Variants in TDO2 observed in about 807,000 individuals in gnomAD.
The protein encoded by TDO2 is tryptamin 2,3-dioxygenase.
TDO2 carries 63 observed loss-of-function variants against 61.2 expected under a neutral mutation model. The observed-to-expected ratio is 1.03, with a 90% CI of 0.84 to 1.27. TDO2 has a LOEUF of 1.27. Among genes scored for constraint, TDO2 ranks in the 50% most tolerant of loss-of-function variants. The pLI, the probability that TDO2 is intolerant of heterozygous loss-of-function variation, is 0.00. For synonymous variants in TDO2, 183 were observed against 164.0 expected (o/e 1.12, Z -0.89); for missense variants, 494 against 469.5 (o/e 1.05, Z -0.48).
At chr4:155,913,228 C>G (rs1742869476) in intron 7 of TDO2, among the ~76,000 whole-genome samples, 1 of 152,086 alleles carries the variant, frequency 6.6e-6, no homozygotes, top group Non-Finnish European at 1.5e-5. Flanking sequence ...TTGTGTAAAG[C>G]CTTTTGATGT....
At chr4:155,904,794 A>G (rs1046521896) in intron 2 of TDO2, among the ~76,000 whole-genome samples, 8 of 152,156 alleles carry the variant, frequency 5.3e-5, no homozygotes, top group Non-Finnish European at 8.8e-5. Context: ...CATCATATTC[A>G]TTTCATGAAA....
At chr4:155,906,361 A>G (rs1476515068) in intron 3 of TDO2, 2 of 152,138 alleles carry the variant, frequency 1.3e-5, no homozygotes. Context: ...CTGATCAATA[A>G]ATGTTTGATT....
intron 9 of TDO2, among the ~76,000 whole-genome samples, 176 bp from the exon 10 acceptor site, chr4:155,917,219 A>G (rs1258819105): frequency 1.3e-5 from 2 of 152,192 alleles, no homozygotes; most frequent in Non-Finnish European, 2.9e-5. Context: ...GAGTAGTATT[A>G]TTTCATCTTT....
intron 3 of TDO2, chr4:155,906,589 C>A (rs1195266748): frequency 6.6e-6 from 1 of 151,860 alleles, no homozygotes; most frequent in East Asian, 1.9e-4. Flanking sequence ...AAATAATCAC[C>A]CAATATTTAC....
At chr4:155,911,435 G>C in intron 6 of TDO2, 62 bp from the exon 7 acceptor site, 1 of 1,111,290 alleles carries the variant, frequency 9.0e-7, no homozygotes, top group Non-Finnish European at 1.3e-6. Flanking sequence ...TATACATGTC[G>C]GTTACAATGC....
chr4:155,915,922 A>G lies in TDO2; in HGVS notation c.896+10A>G, dbSNP rs755258048. On this transcript the variant is annotated intron_variant, in intron 9 of 11. Coordinates refer to ENST00000536354, the MANE Select transcript of TDO2 (RefSeq NM_005651.4). ...TGATATATTTTTACAGGTAAAGCAA[A>G]TCCGAAGAGAGACTGAAGTTAAAAT... 1.4e-5 allele frequency: 23 copies of G among 1,602,354 alleles called. No homozygotes were observed. Among genetic ancestry groups the G allele is most frequent in the South Asian group, 2.3e-5 (2 of 88,738 alleles).
intron 11 of TDO2, 33 bp downstream of exon 11, chr4:155,918,272 G>T: frequency 6.2e-7 from 1 of 1,600,736 alleles, no homozygotes; most frequent in Middle Eastern, 1.7e-4. Context: ...CTTCCTGGTG[G>T]CAGTCACCAA....
rs751669460 is a variant in TDO2 at position 155,904,025 on chromosome 4, T to C, written c.43T>C (p.Phe15Leu). The C allele has an allele frequency of 6.2e-7, 1 of 1,613,864 alleles. No homozygotes were observed. Among genetic ancestry groups the C allele is most frequent in the East Asian group, 2.2e-5 (1 of 44,862 alleles). ...GATTTATTAAATTTGCAGATATACT[T>C]TTAAAAAACTCCCCGTAGAAGGCAG... ...PFLGNNFGYTFKKLPVEGSEE... is the reference protein window; with the variant it reads ...PFLGNNFGYTLKKLPVEGSEE... Residue 15 changes from phenylalanine (F) to leucine (L), a missense_variant, in exon 2 of 12, where the codon TTT becomes CTT. Physicochemically the swap from Phe to Leu is conservative, Grantham distance 22 (BLOSUM62 0). Transcript: ENST00000536354.
chr4:155,905,426 C>T (rs1185825829), intron 3 of TDO2: 1 of 326,546 alleles, frequency 3.1e-6, no homozygotes, highest in Non-Finnish European at 5.5e-6. Context: ...CTTGGAATTT[C>T]ACTAGGAATT....
Position 155,905,065 on chromosome 4 carries a change from A to C in TDO2, c.142-2A>C. The C allele has an allele frequency of 1.3e-6, 2 of 1,576,782 alleles. No homozygotes were observed. Among genetic ancestry groups the C allele is most frequent in the Non-Finnish European group, 8.6e-7 (1 of 1,165,708 alleles). ...GACAGGCTTTTTATTTTTCATTTCAAGTTGGAAAAAGTTTTGAATGCACAA... is the reference window on the plus strand; with the variant it reads ...GACAGGCTTTTTATTTTTCATTTCACGTTGGAAAAAGTTTTGAATGCACAA... On this transcript the variant is annotated splice_acceptor_variant, in intron 2 of 11. Transcript: ENST00000536354. LOFTEE classifies it high-confidence loss of function.
chr4:155,904,936 A>G, intron 2 of TDO2, 131 bp from the exon 3 acceptor site: 2 of 602,522 alleles, frequency 3.3e-6, no homozygotes, highest in Non-Finnish European at 2.9e-6. Context: ...ATTGTTTAAA[A>G]GAAACTAGAT....
At chr4:155,904,169 C>A in intron 2 of TDO2, 46 bp downstream of exon 2, 1 of 1,348,832 alleles carries the variant, frequency 7.4e-7, no homozygotes, top group Non-Finnish European at 1.0e-6. Context: ...TTGTTAGGCA[C>A]TCAATTCTGC....
At chr4:155,915,347 C>G (rs778278596) in intron 8 of TDO2, among the ~76,000 whole-genome samples, 17 of 152,160 alleles carry the variant, frequency 1.1e-4, no homozygotes, top group Non-Finnish European at 2.2e-4. Flanking sequence ...AAAAACAAAT[C>G]TCAGTAAAGA....
intron 6 of TDO2, among the ~76,000 whole-genome samples, chr4:155,910,920 A>G (rs1325919514): frequency 3.9e-5 from 6 of 152,114 alleles, no homozygotes; most frequent in African/African-American, 1.4e-4. Context: ...TAATTTCAGA[A>G]TTATAATAAG....
At chr4:155,915,293 T>C (rs986639428) in intron 8 of TDO2, among the ~76,000 whole-genome samples, 2 of 152,196 alleles carry the variant, frequency 1.3e-5, no homozygotes, top group East Asian at 3.8e-4. Context: ...GAAATTGGTA[T>C]TAAGTTTTAT....
intron 7 of TDO2, 129 bp downstream of exon 7, chr4:155,911,733 T>G: frequency 3.4e-6 from 2 of 585,412 alleles, no homozygotes; most frequent in Non-Finnish European, 5.6e-6. Context: ...TGTATTTTCT[T>G]GGACTATGTG....
At chr4:155,913,122 C>T (rs1359609289) in intron 7 of TDO2, among the ~76,000 whole-genome samples, 1 of 152,112 alleles carries the variant, frequency 6.6e-6, no homozygotes, top group African/African-American at 2.4e-5. Flanking sequence ...CTGAACTGTG[C>T]TCCCCCACCT....
rs1164851941 is a variant in TDO2 at position 155,919,902 on chromosome 4, T to C, written c.1133T>C (p.Ile378Thr). 5.0e-6 allele frequency: 8 copies of C among 1,613,634 alleles called. No homozygotes were observed. The Admixed American group carries it at 8.3e-5, about 17-fold the overall frequency. ...ACATACCTGATTCCCCGACACTGGATACCGAAGATGAACCCAACCATTCAC... is the reference window on the plus strand; with the variant it reads ...ACATACCTGATTCCCCGACACTGGACACCGAAGATGAACCCAACCATTCAC... ...LSTYLIPRHWIPKMNPTIHKF... is the reference protein window; with the variant it reads ...LSTYLIPRHWTPKMNPTIHKF... The change falls in exon 12 of 12, where the codon ATA becomes ACA. Residue 378 changes from isoleucine to threonine, a missense_variant. Coordinates refer to ENST00000536354, the MANE Select transcript of TDO2 (RefSeq NM_005651.4).
rs1045038389 is a variant in TDO2, at chr4:155,920,118, T to A, written c.*128T>A. The stretch of plus-strand genomic sequence containing the variant: ...TCAGCACCACGATGCTCTGATTTAA[T>A]TCTAGAAACAATTTGATTACCTCTT... On this transcript the variant is annotated 3_prime_UTR_variant, in exon 12 of 12. Transcript: ENST00000536354. 1.4e-5 allele frequency: 12 copies of A among 830,086 alleles called. No homozygotes were observed. In the Admixed American group the frequency reaches 2.4e-4, roughly 17 times the overall value. The allele number at this position is 830,086 out of a possible 1,614,324, so 51.4% of individuals were successfully genotyped here. A position where few individuals can be genotyped will look rare whatever the true frequency, so the allele number is the denominator to read the frequency against.
Sources: allele counts gnomAD v4.1 joint callset (sites outside exome capture counted in the v4.1 genomes callset), GRCh38; gene constraint gnomAD v4.1.1; transcripts MANE v1.5; gene names NCBI Gene and HGNC (gene_info 2026-07-23, HGNC 2026-07-21).